Variants in DIXDC1 observed in about 807,000 individuals in gnomAD.
DIXDC1 encodes the protein DIX domain containing 1, also known as dixin.
A neutral mutation model predicts 103.1 loss-of-function variants in DIXDC1; 64 were observed. That is an observed-to-expected ratio of 0.62 (90% CI 0.51 to 0.76). DIXDC1 has a LOEUF of 0.76. Ranked by LOEUF, DIXDC1 falls within the 30% of genes least tolerant of loss-of-function variation. The pLI, the probability that DIXDC1 is intolerant of heterozygous loss-of-function variation, is 0.00. For missense variants in DIXDC1, 759 were observed against 834.2 expected, an observed-to-expected ratio of 0.91 and a Z score of 1.11; for synonymous variants, 266 against 298.5, an observed-to-expected ratio of 0.89 and a Z score of 1.12.
At chr11:111,950,410 G>GTATATATATATAGATATATATA (rs1966741609) in intron 1 of DIXDC1, among the ~76,000 whole-genome samples, 1 of 25,034 alleles carries the variant, frequency 4.0e-5, no homozygotes, top group Non-Finnish European at 8.0e-5. Flanking sequence ...TACAAAGTAG[G>GTATATATATATAGATATATATA]TATATATATA....
At chr11:111,967,707 C>T (rs1200604045) in intron 2 of DIXDC1, among the ~76,000 whole-genome samples, 2 of 152,234 alleles carry the variant, frequency 1.3e-5, no homozygotes, top group Non-Finnish European at 2.9e-5. Context: ...GCTAGGATTA[C>T]GGGCGCGGGC....
In DIXDC1 at chr11:111,998,223, AT is replaced by A. The variant is rs1349645683; in HGVS notation, c.1756+2078del. On this transcript the variant is annotated intron_variant, in intron 17 of 19. Transcript: ENST00000440460. This position sits in a 1 kb window ranked among gnomAD's most constrained non-coding sequence, Gnocchi z 4.1. ...TATTCATTTAACATATTTACTAAGC[AT>A]CCATTATTCACCATCAATGTTAGAT... Among the ~76,000 whole-genome samples the A allele has an allele frequency of 7.2e-5, 11 of 152,236 alleles. No homozygotes were observed. Among genetic ancestry groups the A allele is most frequent in the African/African-American group, 2.7e-4 (11 of 41,452 alleles).
rs927514316 is a variant in DIXDC1 at position 112,020,472 on chromosome 11, G to A, written c.*1436G>A. ...GATGTATCTTTTAAAAATAGTTCAC[G>A]TTTGGAGAATTCTTTTGTACTCATT... On this transcript the variant is annotated 3_prime_UTR_variant, in exon 20 of 20. Coordinates refer to ENST00000440460, the MANE Select transcript of DIXDC1 (RefSeq NM_001037954.4). 1.3e-5 allele frequency: 2 copies of A among 152,600 alleles called. No individual in the cohort carries two copies. Among genetic ancestry groups the A allele is most frequent in the African/African-American group, 2.4e-5 (1 of 41,440 alleles). The allele number at this position is 152,600 out of a possible 1,614,324, so 9.5% of individuals were successfully genotyped here. A position where few individuals can be genotyped will look rare whatever the true frequency, so the allele number is the denominator to read the frequency against.
intron 1 of DIXDC1, among the ~76,000 whole-genome samples, chr11:111,956,883 A>AG (rs199586671): frequency 0.016 from 2,495 of 152,032 alleles, 27 homozygotes; most frequent in Non-Finnish European, 0.023. Flanking sequence ...AATGGGGGAG[A>AG]GGGCCAGGCA....
intron 3 of DIXDC1, among the ~76,000 whole-genome samples, chr11:111,969,449 C>A (rs1859840984): frequency 6.6e-6 from 1 of 152,038 alleles, no homozygotes; most frequent in South Asian, 2.1e-4. Flanking sequence ...TATTTTATAG[C>A]CCTTTTTTGG....
In DIXDC1 at chr11:111,977,793, T is replaced by C. The variant is rs1555172806; in HGVS notation, c.656+2810T>C. 6.4e-7 allele frequency: 1 copy of C among 1,563,346 alleles called. No individual in the cohort carries two copies. The highest frequency in any genetic ancestry group is 1.9e-5 in the Admixed American group (1 of 52,886). On this transcript the variant is annotated intron_variant, in intron 5 of 19. Transcript: ENST00000440460. This position sits in a 1 kb window ranked among gnomAD's most constrained non-coding sequence, Gnocchi z 6.1. ...GACCATGGGAGGGACGCAAGTCAAA[T>C]GGTGAGCTGAAGCCACTCTGGCTTT...
rs896196451 is a variant in DIXDC1 at position 111,993,835 on chromosome 11, T to C, written c.1437+95T>C. The C allele has an allele frequency of 3.6e-6, 5 of 1,399,244 alleles. No homozygotes were observed. In the African/African-American group the frequency reaches 7.2e-5, roughly 20 times the overall value. The allele number at this position is 1,399,244 out of a possible 1,614,324, so 86.7% of individuals were successfully genotyped here. A position where few individuals can be genotyped will look rare whatever the true frequency, so the allele number is the denominator to read the frequency against. On this transcript the variant is annotated intron_variant, in intron 14 of 19. Transcript: ENST00000440460. Reference sequence around the variant, plus strand: ...AGCTGAACCAAGGCCACAGGCTTGTTTGTTAGGAGGCTCTATGATGAGCTA... The same window carrying C: ...AGCTGAACCAAGGCCACAGGCTTGTCTGTTAGGAGGCTCTATGATGAGCTA...
chr11:111,977,629 G>T lies in DIXDC1; in HGVS notation c.656+2646G>T. On this transcript the variant is annotated intron_variant, in intron 5 of 19. Transcript: ENST00000440460. The surrounding 1 kb of genome is among the most constrained non-coding windows in gnomAD (Gnocchi z 6.1). ...CTTTCTCCCGCGAGCCGGGCCAGTA[G>T]CTTTGCTAGCTGGCCTTCCCGTGGA... 3 of 1,541,624 alleles carry T rather than the reference G, an allele frequency of 1.9e-6. No individual in the cohort carries two copies. Among genetic ancestry groups the T allele is most frequent in the Non-Finnish European group, 1.7e-6 (2 of 1,143,176 alleles).
intron 7 of DIXDC1, among the ~76,000 whole-genome samples, chr11:111,983,579 A>T (rs1354143252): frequency 6.6e-6 from 1 of 152,166 alleles, no homozygotes; most frequent in African/African-American, 2.4e-5. Flanking sequence ...TTACTTGCAT[A>T]GGAAGTATGT....
chr11:111,987,123 G>A (rs750451863), intron 9 of DIXDC1, among the ~76,000 whole-genome samples, 199 bp downstream of exon 9: 48 of 152,066 alleles, frequency 3.2e-4, no homozygotes, highest in Non-Finnish European at 6.0e-4. Flanking sequence ...GCTGGCACAC[G>A]TCTGTAGTCC....
At chr11:111,985,712 C>T (rs587670048) in intron 8 of DIXDC1, among the ~76,000 whole-genome samples, 9 of 152,226 alleles carry the variant, frequency 5.9e-5, no homozygotes, top group African/African-American at 2.2e-4. Context: ...TATCTGCCTC[C>T]AGTTCTTCAC....
intron 17 of DIXDC1, among the ~76,000 whole-genome samples, chr11:112,001,780 G>C (rs984619632): frequency 2.7e-5 from 4 of 149,636 alleles, no homozygotes; most frequent in African/African-American, 9.9e-5. Flanking sequence ...TTTTGAGACG[G>C]AGTCTTGGTT....
chr11:111,975,364 G>A lies in DIXDC1; in HGVS notation c.656+381G>A, dbSNP rs782313351. The A allele has an allele frequency of 1.9e-5, 20 of 1,060,708 alleles. No individual in the cohort carries two copies. The Admixed American group carries it at 1.9e-4, about 10-fold the overall frequency. 65.7% of individuals were successfully genotyped at this position (1,060,708 alleles called of 1,614,324 possible). ...GAGCCTAAGTGTAACTCTTAAGGCC[G>A]GAAAAGTCTGTGTAAAGCTCATAGA... On this transcript the variant is annotated intron_variant, in intron 5 of 19. Coordinates refer to ENST00000440460, the MANE Select transcript of DIXDC1 (RefSeq NM_001037954.4).
intron 5 of DIXDC1, among the ~76,000 whole-genome samples, chr11:111,979,179 T>A (rs1860217587): frequency 6.6e-6 from 1 of 152,202 alleles, no homozygotes; most frequent in Non-Finnish European, 1.5e-5. Context: ...CTAGTTGAGG[T>A]CATTCCCAGC....
chr11:112,009,506 A>G (rs1861345790), intron 17 of DIXDC1, among the ~76,000 whole-genome samples: 1 of 152,200 alleles, frequency 6.6e-6, no homozygotes, highest in Admixed American at 6.5e-5. Context: ...ACATAACAAA[A>G]AAAAGAGAAT....
chr11:112,001,311 T>C (rs1468431945), intron 17 of DIXDC1, among the ~76,000 whole-genome samples: 6 of 152,096 alleles, frequency 3.9e-5, no homozygotes, highest in Admixed American at 3.9e-4. Context: ...GAGGGAGGAA[T>C]AGGGAATAAC....
At chr11:111,952,010 T>G (rs587774360) in intron 1 of DIXDC1, among the ~76,000 whole-genome samples, 2 of 152,096 alleles carry the variant, frequency 1.3e-5, no homozygotes, top group Admixed American at 1.3e-4. Flanking sequence ...GGATTACAAG[T>G]GTGTGCCACC....
At chr11:111,985,130 G>A in intron 7 of DIXDC1, 102 bp from the exon 8 acceptor site, 2 of 890,670 alleles carry the variant, frequency 2.2e-6, no homozygotes, top group Non-Finnish European at 3.6e-6. Flanking sequence ...TCTTGAGGAG[G>A]CTGAGTTGTG....
At chr11:111,991,608 G>C (rs1376776737) in intron 10 of DIXDC1, among the ~76,000 whole-genome samples, 1 of 152,208 alleles carries the variant, frequency 6.6e-6, no homozygotes, top group Non-Finnish European at 1.5e-5. Flanking sequence ...ATGGTTGATG[G>C]AATATGTCAT....
Sources: allele counts gnomAD v4.1 joint callset (sites outside exome capture counted in the v4.1 genomes callset), GRCh38; gene constraint gnomAD v4.1.1; non-coding constraint Gnocchi (gnomAD v3.1); transcripts MANE v1.5; gene names NCBI Gene and HGNC (gene_info 2026-07-23, HGNC 2026-07-21).